The following TGS1 variants were observed in gnomAD, a reference collection of about 807,000 sequenced individuals.
The protein encoded by TGS1 is trimethylguanosine synthase 1.
In TGS1, 69 loss-of-function variants were observed where a neutral mutation model predicts 92.2. The ratio of observed to expected loss-of-function variants is 0.75; its 90% confidence interval spans 0.62 to 0.91. The LOEUF (loss-of-function observed/expected upper bound fraction) is 0.91, where lower values mean the gene tolerates loss of function less well. Ranked by LOEUF, TGS1 falls within the 40% of genes least tolerant of loss-of-function variation. The pLI, the probability that TGS1 is intolerant of heterozygous loss-of-function variation, is 0.00. For synonymous variants in TGS1, 345 were observed against 338.1 expected (o/e 1.02, Z -0.22); for missense variants, 1,062 against 1,001.2 (o/e 1.06, Z -0.82).
At chr8:55,822,050 CAAT>C (rs2130262656) in intron 12 of TGS1, among the ~76,000 whole-genome samples, 1 of 150,676 alleles carries the variant, frequency 6.6e-6, no homozygotes, top group Non-Finnish European at 1.5e-5. Context: ...TTAACAACAA[CAAT>C]ATTGGCTTTT....
chr8:55,798,229 C>A (rs957522678), intron 7 of TGS1, among the ~76,000 whole-genome samples: 5 of 152,154 alleles, frequency 3.3e-5, no homozygotes, highest in African/African-American at 1.2e-4. Flanking sequence ...CCACTTCATT[C>A]TAATTTACTC....
chr8:55,809,614 A>C (rs1018943460), intron 10 of TGS1, among the ~76,000 whole-genome samples: 2 of 152,012 alleles, frequency 1.3e-5, no homozygotes, highest in Non-Finnish European at 2.9e-5. Flanking sequence ...ATGCCACCCC[A>C]CCTGGCTAAT....
chr8:55,796,403 G>C (rs1812052001), intron 7 of TGS1, among the ~76,000 whole-genome samples: 1 of 152,066 alleles, frequency 6.6e-6, no homozygotes, highest in African/African-American at 2.4e-5. Flanking sequence ...TTTAAAAAAC[G>C]CAGCCGTCAG....
At chr8:55,790,528 G>GTC (rs1811850718) in intron 5 of TGS1, among the ~76,000 whole-genome samples, 1 of 148,358 alleles carries the variant, frequency 6.7e-6, no homozygotes, top group Non-Finnish European at 1.5e-5. Context: ...TTAAGACATG[G>GTC]TCTCGCTTTA....
rs1979131 is a variant in TGS1, at chr8:55,787,087, C to A, written c.1162+27C>A. 1.7e-3 allele frequency: 2,596 copies of A among 1,528,004 alleles called. 48 individuals are homozygous for A. The African/African-American group carries it at 0.032, about 19-fold the overall frequency. The allele number at this position is 1,528,004 out of a possible 1,614,324, so 94.7% of individuals were successfully genotyped here. ...TAAGATTAACCAAGATTTATTCTGC[C>A]ATGTAATGGTTAGCAAAATGAATTC... is the stretch of plus-strand genomic sequence containing the variant. On this transcript the variant is annotated intron_variant, in intron 4 of 12. Transcript: ENST00000260129.
chr8:55,775,594 G>A (rs889195972), intron 1 of TGS1, among the ~76,000 whole-genome samples: 4 of 152,162 alleles, frequency 2.6e-5, no homozygotes, highest in African/African-American at 7.2e-5. Context: ...GGGATCACTG[G>A]AGAATCATGA....
intron 1 of TGS1, among the ~76,000 whole-genome samples, chr8:55,780,132 T>C (rs545118384): frequency 6.6e-5 from 10 of 150,888 alleles, no homozygotes; most frequent in African/African-American, 2.2e-4. Flanking sequence ...GCTAGGATTA[T>C]AGGCATGAGC....
rs139236134 is a variant in TGS1, at chr8:55,786,351, T to A, written c.453T>A (p.Ile151=). 16 of 1,613,000 alleles carry A rather than the reference T, an allele frequency of 9.9e-6. No individual in the cohort carries two copies. In the African/African-American group the frequency reaches 2.0e-4, roughly 20 times the overall value. Residue 151 remains isoleucine (I), a synonymous_variant, in exon 4 of 13, where the codon ATT becomes ATA. Coordinates refer to ENST00000260129, the MANE Select transcript of TGS1 (RefSeq NM_024831.8). ...GAAAAGAATATGAAGAAGACGACAT[T>A]TTGGCTTCAGATGATCCATCTTCAA... ...SWRKEYEEDD[I]LASDDPSSIE...
Position 55,777,775 on chromosome 8 carries a change from T to A in TGS1, c.101+4056T>A, listed in dbSNP as rs547369805. On this transcript the variant is annotated intron_variant, in intron 1 of 12. Transcript: ENST00000260129. ...GTCTCGAACTCCTGACATCAAGTGATCTGCCCGCCTTGGCCTCCCAAAGTG... is the reference window on the plus strand; with the variant it reads ...GTCTCGAACTCCTGACATCAAGTGAACTGCCCGCCTTGGCCTCCCAAAGTG... 2.6e-5 allele frequency among the ~76,000 whole-genome samples: 4 copies of A among 152,254 alleles called. No homozygotes were observed. The East Asian group carries it at 5.8e-4, about 22-fold the overall frequency.
intron 10 of TGS1, among the ~76,000 whole-genome samples, chr8:55,808,289 CTT>C (rs1293161321): frequency 1.3e-5 from 2 of 152,164 alleles, no homozygotes; most frequent in Non-Finnish European, 2.9e-5. Flanking sequence ...TCTTCTCAGA[CTT>C]TGCCAGATAA....
chr8:55,822,562 C>CCG (rs1803678126), intron 12 of TGS1, among the ~76,000 whole-genome samples: 6 of 143,038 alleles, frequency 4.2e-5, no homozygotes, highest in African/African-American at 1.3e-4. Context: ...TTTTTTTTTT[C>CCG]CCCCTTTCTT....
intron 1 of TGS1, among the ~76,000 whole-genome samples, chr8:55,778,082 G>A (rs954507949): frequency 3.3e-5 from 5 of 151,836 alleles, no homozygotes; most frequent in African/African-American, 1.2e-4. Flanking sequence ...GACCAGTCTG[G>A]GCAACATGGC....
At chr8:55,804,751 T>C (rs932099982) in intron 9 of TGS1, 142 bp from the exon 10 acceptor site, 1 of 689,228 alleles carries the variant, frequency 1.5e-6, no homozygotes, top group Admixed American at 3.3e-5. Flanking sequence ...TTTTTTTCTT[T>C]AAAACTGGGT....
chr8:55,792,722 C>G lies in TGS1; in HGVS notation c.1305C>G (p.Asn435Lys). 6.2e-7 allele frequency: 1 copy of G among 1,613,706 alleles called. No individual in the cohort carries two copies. Among genetic ancestry groups the G allele is most frequent in the Middle Eastern group, 1.7e-4 (1 of 6,058 alleles). The change falls in exon 6 of 13, where the codon AAC (asparagine) becomes AAG (lysine). Residue 435 changes from asparagine (N) to lysine (K), a missense_variant. Physicochemically the swap from Asn to Lys is moderately conservative, Grantham distance 94. Coordinates refer to ENST00000260129, the MANE Select transcript of TGS1 (RefSeq NM_024831.8). ...KRSHELDIDE[N>K]PASDFDDSGS... Reference sequence around the variant, plus strand: ...GCCATGAACTGGACATTGATGAAAACCCAGCTTCAGACTTTGATGACAGTG... The same window carrying G: ...GCCATGAACTGGACATTGATGAAAAGCCAGCTTCAGACTTTGATGACAGTG...
At chr8:55,824,474 G>A (rs1158735586) in intron 12 of TGS1, 107 bp from the exon 13 acceptor site, 3 of 1,436,648 alleles carry the variant, frequency 2.1e-6, no homozygotes, top group Admixed American at 4.2e-5. Context: ...TTATTCAAAG[G>A]ACTTAAAAGC....
chr8:55,819,144 G>A (rs574920466), intron 12 of TGS1, among the ~76,000 whole-genome samples: 2 of 152,234 alleles, frequency 1.3e-5, no homozygotes, highest in African/African-American at 4.8e-5. Context: ...GTTTCACCAT[G>A]TTGCCCAGGT....
At chr8:55,804,788 C>CT in intron 9 of TGS1, 105 bp from the exon 10 acceptor site, 1 of 980,250 alleles carries the variant, frequency 1.0e-6, no homozygotes, top group African/African-American at 1.7e-5. Flanking sequence ...AAAAGGGAAA[C>CT]TAAGCTTTTT....
intron 2 of TGS1, among the ~76,000 whole-genome samples, chr8:55,784,118 C>G (rs1053588600): frequency 4.6e-5 from 7 of 152,190 alleles, no homozygotes; most frequent in Non-Finnish European, 8.8e-5. Context: ...CTGAGACCAT[C>G]AAGCTGGAGT....
At chr8:55,797,442 C>T (rs1201939450) in intron 7 of TGS1, among the ~76,000 whole-genome samples, 10 of 152,108 alleles carry the variant, frequency 6.6e-5, no homozygotes, top group Non-Finnish European at 1.2e-4. Flanking sequence ...CAAACCATAC[C>T]AGTAGGATCC....
Sources: gnomAD v4.1 joint callset for allele counts (sites outside exome capture counted in the v4.1 genomes callset) on GRCh38, gnomAD v4.1.1 for gene constraint, MANE v1.5 for transcripts, NCBI Gene and HGNC (gene_info 2026-07-23, HGNC 2026-07-21) for gene names.